WDR1: variants seen among roughly 807,000 people sequenced by gnomAD.
The protein encoded by WDR1 is WD repeat domain 1.
Under a neutral mutation model 71.9 loss-of-function variants are expected in WDR1, and 21 were observed. The ratio of observed to expected loss-of-function variants is 0.29; its 90% CI spans 0.21 to 0.42. The LOEUF (loss-of-function observed/expected upper bound fraction) is 0.42. Among genes scored for constraint, WDR1 ranks in the 10% least tolerant of loss-of-function variants. The pLI is 1.00. For missense variants in WDR1, 696 were observed against 824.5 expected (o/e 0.84, Z 1.91); for synonymous variants, 424 against 347.4 (o/e 1.22, Z -2.45).
chr4:10,091,484 A>G (rs1464915945), intron 5 of WDR1: 2 of 152,280 alleles, frequency 1.3e-5, no homozygotes, highest in Non-Finnish European at 2.9e-5. Context: ...ACAGGAGAAC[A>G]CCAGGCCTGG....
At chr4:10,078,716 T>C in intron 12 of WDR1, 175 bp downstream of exon 12, 2 of 560,450 alleles carry the variant, frequency 3.6e-6, no homozygotes, top group Non-Finnish European at 6.3e-6. Context: ...CAGCCCTGGG[T>C]GGCAGGAGAT....
chr4:10,082,135 C>T (rs1765039796), intron 10 of WDR1, among the ~76,000 whole-genome samples: 1 of 152,152 alleles, frequency 6.6e-6, no homozygotes, highest in South Asian at 2.1e-4. Flanking sequence ...GAAAGAGGAC[C>T]AGGGCCCAGA....
At chr4:10,110,622 C>G (rs759043717) in intron 2 of WDR1, among the ~76,000 whole-genome samples, 1 of 152,204 alleles carries the variant, frequency 6.6e-6, no homozygotes, top group Non-Finnish European at 1.5e-5. Context: ...GGCACTTCTC[C>G]AGCAGCTGTC....
At position 10,077,735 on chromosome 4, in the gene WDR1, G is replaced by A. The variant is rs953636970; in HGVS notation, c.1569+18C>T. ...ACCGCCCAGCACGGGGACAGAGGAG[G>A]AGCCCGCCGCCACTCACCGAGTAGC... On this transcript the variant is annotated intron_variant, in intron 13 of 14. Coordinates refer to ENST00000499869, the MANE Select transcript of WDR1 (RefSeq NM_017491.5). 1.9e-6 allele frequency: 3 copies of A among 1,553,706 alleles called. No individual in the cohort carries two copies. The highest frequency in any genetic ancestry group is 1.2e-5 in the South Asian group (1 of 82,868).
chr4:10,093,074 G>A (rs3822246), intron 5 of WDR1: 260,167 of 1,289,058 alleles, frequency 0.2, 27,743 homozygotes, highest in Middle Eastern at 0.25. Context: ...AAGCACTGAG[G>A]TCATAATTAA....
In WDR1 at chr4:10,115,565, G is replaced by A. The variant is rs191837179; in HGVS notation, c.138+548C>T. Reference sequence around the variant, plus strand: ...ATTCCATTCAGCAAGGGCTCAAAGTGCACCAGGCACCGCTGGGCTTGAGGG... The same window carrying A: ...ATTCCATTCAGCAAGGGCTCAAAGTACACCAGGCACCGCTGGGCTTGAGGG... On this transcript the variant is annotated intron_variant, in intron 2 of 14. Transcript: ENST00000499869. Among the ~76,000 whole-genome samples, 474 of 152,296 alleles carry A rather than the reference G, an allele frequency of 3.1e-3. 3 individuals carry two copies. The highest frequency in any genetic ancestry group is 0.031 in the Middle Eastern group (9 of 294).
chr4:10,092,494 G>GA, intron 5 of WDR1: 1 of 153,988 alleles, frequency 6.5e-6, no homozygotes, highest in Non-Finnish European at 1.4e-5. Context: ...GCCTCCCACA[G>GA]GCTCTGGCAG....
intron 10 of WDR1, among the ~76,000 whole-genome samples, chr4:10,081,810 T>C (rs556097320): frequency 1.3e-5 from 2 of 152,186 alleles, no homozygotes; most frequent in African/African-American, 2.4e-5. Context: ...ACAGACAGAA[T>C]TGAGCTCTGC....
At chr4:10,107,009 A>G (rs1713061415) in intron 2 of WDR1, among the ~76,000 whole-genome samples, 1 of 152,106 alleles carries the variant, frequency 6.6e-6, no homozygotes, top group Non-Finnish European at 1.5e-5. Context: ...GGGAAGAAGA[A>G]TGAGATTGGG....
At chr4:10,096,432 T>C (rs1360480358) in intron 5 of WDR1, 1 of 152,206 alleles carries the variant, frequency 6.6e-6, no homozygotes, top group East Asian at 1.9e-4. Flanking sequence ...CATTAGGTGG[T>C]AGCCACAAGA....
intron 5 of WDR1, among the ~76,000 whole-genome samples, chr4:10,097,114 G>C (rs982181654): frequency 6.6e-6 from 1 of 152,282 alleles, no homozygotes; most frequent in Non-Finnish European, 1.5e-5. Flanking sequence ...TCTTGCAGAA[G>C]GGAGAAGTGA....
rs1324255341 is a variant in WDR1 at position 10,088,329 on chromosome 4, C to G, written c.681G>C (p.Leu227=). The G allele has an allele frequency of 1.3e-6, 2 of 1,559,050 alleles. No individual in the cohort carries two copies. The highest frequency in any genetic ancestry group is 2.4e-5 in the East Asian group (1 of 41,460). ...DGKTGEKVCA[L]GGSKAHDGGI... ...CACCGTCGTGGGCCTTGCTTCCGCC[C>G]AGCGCGCACACCTTCTCCCCAGTCT... Residue 227 remains leucine (L), a synonymous_variant, in exon 7 of 15, where the codon CTG becomes CTC. Coordinates refer to ENST00000499869, the MANE Select transcript of WDR1 (RefSeq NM_017491.5).
In WDR1 at chr4:10,088,364, A is replaced by G. The variant is rs774735581; in HGVS notation, c.646T>C (p.Tyr216His). 2 of 1,557,188 alleles carry G rather than the reference A, an allele frequency of 1.3e-6. No individual in the cohort carries two copies. Among genetic ancestry groups the G allele is most frequent in the South Asian group, 1.2e-5 (1 of 84,282 alleles). ...ACCTTCTCCCCAGTCTTCCCGTCAT[A>G]GATGTATATCTTCCAAGAAATAAAA... ...TASADGQIYI[Y>H]DGKTGEKVCA... is the part of the protein sequence containing the mutation. The change falls in exon 7 of 15, where the codon TAT becomes CAT. Residue 216 changes from tyrosine to histidine, a missense_variant. Coordinates refer to ENST00000499869, the MANE Select transcript of WDR1 (RefSeq NM_017491.5).
intron 3 of WDR1, 30 bp from the exon 4 acceptor site, chr4:10,099,169 GGAGGCGGTGGTGGGGTA>G: frequency 8.0e-7 from 1 of 1,247,292 alleles, no homozygotes; most frequent in South Asian, 1.3e-5. Flanking sequence ...GGGGAGGGGG[GGAGGCGGTGGTGGGGTA>G]AAGGGCAGGG....
At chr4:10,109,305 G>T (rs1286747695) in intron 2 of WDR1, among the ~76,000 whole-genome samples, 1 of 152,258 alleles carries the variant, frequency 6.6e-6, no homozygotes. Context: ...GGTGAGTCAA[G>T]GGAGGTAACA....
Position 10,075,385 on chromosome 4 carries a change from G to C in WDR1, c.1814C>G (p.Thr605Ser), listed in dbSNP as rs1242483881. The stretch of plus-strand genomic sequence containing the variant: ...AGGCGGGGGTGGGGCTCCTCAGTAG[G>C]TGATTGTCCACTCCTTGACAGAGGC... ...HDASVKEWTI[T>S]Y The change falls in exon 15 of 15, where the codon ACC becomes AGC. Residue 605 changes from threonine to serine, a missense_variant. By Grantham distance (58) the Thr-to-Ser change is moderately conservative. Transcript: ENST00000499869. 2 of 1,613,800 alleles carry C rather than the reference G, an allele frequency of 1.2e-6. No homozygotes were observed. Among genetic ancestry groups the C allele is most frequent in the Middle Eastern group, 1.6e-4 (1 of 6,062 alleles).
chr4:10,087,686 CT>C lies in WDR1; in HGVS notation c.951+20del. 1 of 1,560,044 alleles carries C rather than the reference CT, an allele frequency of 6.4e-7. No individual in the cohort carries two copies. The highest frequency in any genetic ancestry group is 8.7e-7 in the Non-Finnish European group (1 of 1,151,046). On this transcript the variant is annotated intron_variant, in intron 8 of 14. Transcript: ENST00000499869. Reference sequence around the variant, plus strand: ...TCCCTGTCCACCCAGCGGGCAGAGCCTTCCCCAGGGCAGGCCTTACCTTGAT... The same window carrying C: ...TCCCTGTCCACCCAGCGGGCAGAGCCTCCCCAGGGCAGGCCTTACCTTGAT...
In WDR1 at chr4:10,088,731, C is replaced by T. The variant is rs747332510; in HGVS notation, c.569G>A (p.Arg190His). The T allele has an allele frequency of 3.1e-6, 5 of 1,600,596 alleles. No individual in the cohort carries two copies. Among genetic ancestry groups the T allele is most frequent in the South Asian group, 2.3e-5 (2 of 88,358 alleles). Residue 190 changes from arginine (R) to histidine (H), a missense_variant, in exon 6 of 15, where the codon CGC (arginine) becomes CAC (histidine). Physicochemically the swap from Arg to His is conservative, Grantham distance 29. Transcript: ENST00000499869. ...AGAGAATCGCACACAGTTGACAAAG[C>T]GGCTGTGGTCCTGCAGGAAAACAAT... ...KFKFTIGDHS[R>H]FVNCVRFSPD...
intron 3 of WDR1, 43 bp from the exon 4 acceptor site, chr4:10,099,182 G>A (rs1346882613): frequency 1.1e-6 from 1 of 933,590 alleles, no homozygotes; most frequent in Non-Finnish European, 1.5e-6. Flanking sequence ...GGCGGTGGTG[G>A]GGTAAAGGGC....
Sources: allele counts gnomAD v4.1 joint callset (sites outside exome capture counted in the v4.1 genomes callset), GRCh38; gene constraint gnomAD v4.1.1; transcripts MANE v1.5; gene names NCBI Gene and HGNC (gene_info 2026-07-23, HGNC 2026-07-21).